PHKB: variants seen among roughly 807,000 people sequenced by gnomAD.
The protein encoded by PHKB is phosphorylase b kinase regulatory subunit beta.
Under a neutral mutation model 152.1 loss-of-function variants are expected in PHKB, and 122 were observed. The observed-to-expected ratio is 0.80, with a 90% CI of 0.69 to 0.93. PHKB has a LOEUF of 0.93. PHKB is among the 40% of genes least tolerant of loss of function. The pLI, the probability that PHKB is intolerant of heterozygous loss-of-function variation, is 0.00. For missense variants in PHKB, 1,304 were observed against 1,328.4 expected, an observed-to-expected ratio of 0.98 and a Z score of 0.29; for synonymous variants, 436 against 464.9, an observed-to-expected ratio of 0.94 and a Z score of 0.80.
At chr16:47,552,060 T>C (rs1162183438) in intron 7 of PHKB, among the ~76,000 whole-genome samples, 1 of 152,206 alleles carries the variant, frequency 6.6e-6, no homozygotes, top group Non-Finnish European at 1.5e-5. Context: ...TTTCTTTCCA[T>C]TTGCTTGGTA....
chr16:47,482,541 A>G (rs1032824566), intron 1 of PHKB, among the ~76,000 whole-genome samples: 1 of 152,212 alleles, frequency 6.6e-6, no homozygotes, highest in Non-Finnish European at 1.5e-5. Flanking sequence ...TTTTGCCAAG[A>G]CAAGAATATA....
chr16:47,474,427 G>T (rs1969833500), intron 1 of PHKB, among the ~76,000 whole-genome samples: 1 of 152,314 alleles, frequency 6.6e-6, no homozygotes, highest in Admixed American at 6.5e-5. Context: ...GGATTGGGCT[G>T]TTGAGCTGTG....
At chr16:47,566,094 G>T in intron 7 of PHKB, 1 of 656,486 alleles carries the variant, frequency 1.5e-6, no homozygotes, top group South Asian at 1.8e-5. Context: ...GCCTATCTGG[G>T]AATCATAGCC....
Position 47,547,516 on chromosome 16 carries a change from A to C in PHKB, c.678A>C (p.Lys226Asn), listed in dbSNP as rs762504730. The C allele has an allele frequency of 6.2e-6, 10 of 1,609,546 alleles. No individual in the cohort carries two copies. The highest frequency in any genetic ancestry group is 8.5e-6 in the Non-Finnish European group (10 of 1,175,924). Reference protein sequence around the residue: ...PDFGVWERGSKYNNGSTELHS... With the variant: ...PDFGVWERGSNYNNGSTELHS... ...TTGGTGTCTGGGAAAGAGGAAGCAA[A>C]TATAATAATGGCAGCACAGAGCTAC... The change falls in exon 7 of 31, where the codon AAA (lysine) becomes AAC (asparagine). Residue 226 changes from lysine (K) to asparagine (N), a missense_variant. Physicochemically the swap from Lys to Asn is moderately conservative, Grantham distance 94. Coordinates refer to ENST00000323584, the MANE Select transcript of PHKB (RefSeq NM_000293.3).
chr16:47,696,388 C>A lies in PHKB; in HGVS notation c.2903C>A (p.Thr968Asn), dbSNP rs962637652. The change falls in exon 29 of 31, where the codon ACC (threonine) becomes AAC (asparagine). Residue 968 changes from threonine (T) to asparagine (N), a missense_variant. Thr to Asn is a moderately conservative substitution (Grantham distance 65). Coordinates refer to ENST00000323584, the MANE Select transcript of PHKB (RefSeq NM_000293.3). The stretch of plus-strand genomic sequence containing the variant: ...TGGAGTTATTTTTTTCAGCAACCAA[C>A]CCTGTCAGATATGACCATGTATGAG... ...VAGKHLPQQPTLSDMTMYEMN... is the reference protein window; with the variant it reads ...VAGKHLPQQPNLSDMTMYEMN... The A allele has an allele frequency of 6.3e-7, 1 of 1,588,972 alleles. No individual in the cohort carries two copies. The highest frequency in any genetic ancestry group is 1.1e-5 in the South Asian group (1 of 90,572).
chr16:47,581,622 A>G (rs1252975249), intron 8 of PHKB, among the ~76,000 whole-genome samples: 3 of 152,350 alleles, frequency 2.0e-5, no homozygotes, highest in South Asian at 2.1e-4. Flanking sequence ...GTTAGTTAGC[A>G]TAGTGCTTTG....
intron 7 of PHKB, among the ~76,000 whole-genome samples, chr16:47,553,863 C>T (rs901479012): frequency 2.0e-5 from 3 of 152,138 alleles, no homozygotes; most frequent in East Asian, 1.9e-4. Context: ...GTATCACCAG[C>T]GGAGGCAGCA....
At chr16:47,650,960 C>A (rs1973226995) in intron 20 of PHKB, 39 bp downstream of exon 20, 1 of 1,336,504 alleles carries the variant, frequency 7.5e-7, no homozygotes, top group Non-Finnish European at 1.1e-6. Flanking sequence ...ATTTTCAGGA[C>A]AGTTAATCTA....
chr16:47,615,852 A>T (rs1219548367), intron 14 of PHKB, among the ~76,000 whole-genome samples: 1 of 152,220 alleles, frequency 6.6e-6, no homozygotes, highest in Non-Finnish European at 1.5e-5. Flanking sequence ...GTAATTTTTT[A>T]AACAATAATG....
At chr16:47,689,367 G>T (rs1237938338) in intron 27 of PHKB, among the ~76,000 whole-genome samples, 192 bp downstream of exon 27, 1 of 151,892 alleles carries the variant, frequency 6.6e-6, no homozygotes, top group African/African-American at 2.4e-5. Flanking sequence ...TTATTATTTT[G>T]CATTGATTTG....
intron 14 of PHKB, among the ~76,000 whole-genome samples, chr16:47,638,253 G>C (rs181892413): frequency 6.6e-5 from 10 of 152,298 alleles, no homozygotes; most frequent in African/African-American, 2.4e-4. Flanking sequence ...AAATGTCTTA[G>C]AATGGTGGAA....
intron 1 of PHKB, among the ~76,000 whole-genome samples, chr16:47,481,679 C>T (rs536643622): frequency 2.0e-5 from 3 of 152,274 alleles, no homozygotes; most frequent in African/African-American, 7.2e-5. Flanking sequence ...GAAGACAATT[C>T]GTATTTAATA....
intron 20 of PHKB, among the ~76,000 whole-genome samples, chr16:47,655,595 T>C (rs561916218): frequency 1.3e-5 from 2 of 152,344 alleles, no homozygotes; most frequent in South Asian, 4.1e-4. Flanking sequence ...CTTTTTGTTT[T>C]ATTTTAATGT....
intron 27 of PHKB, 93 bp downstream of exon 27, chr16:47,689,268 T>G (rs1974018957): frequency 1.5e-6 from 2 of 1,307,462 alleles, no homozygotes; most frequent in Admixed American, 1.7e-5. Flanking sequence ...TGATAAGATA[T>G]TAATAAGTAA....
chr16:47,498,238 TTTA>T (rs1970265966), intron 2 of PHKB, among the ~76,000 whole-genome samples: 1 of 152,092 alleles, frequency 6.6e-6, no homozygotes, highest in Non-Finnish European at 1.5e-5. Flanking sequence ...AGTTGCCCAT[TTTA>T]TTATCTTTTT....
intron 8 of PHKB, among the ~76,000 whole-genome samples, chr16:47,584,504 G>C (rs537473226): frequency 6.6e-6 from 1 of 152,284 alleles, no homozygotes; most frequent in South Asian, 2.1e-4. Flanking sequence ...ATGTGCATGA[G>C]GACGAAGAAG....
chr16:47,649,722 T>C (rs1973200949), intron 18 of PHKB, among the ~76,000 whole-genome samples: 1 of 151,834 alleles, frequency 6.6e-6, no homozygotes, highest in African/African-American at 2.4e-5. Flanking sequence ...TGTGTGTTCT[T>C]GGGCAAGTTA....
At chr16:47,461,854 C>T (rs1178353883) in intron 1 of PHKB, among the ~76,000 whole-genome samples, 3 of 152,178 alleles carry the variant, frequency 2.0e-5, no homozygotes, top group African/African-American at 4.8e-5. Flanking sequence ...TGCAGAAAGC[C>T]GGCGTCTGGG....
Position 47,468,178 on chromosome 16 carries a change from C to A in PHKB, c.76+6752C>A, listed in dbSNP as rs374037768. 6.6e-5 allele frequency among the ~76,000 whole-genome samples: 10 copies of A among 152,270 alleles called. No homozygotes were observed. In the East Asian group the frequency reaches 1.5e-3, roughly 24 times the overall value. On this transcript the variant is annotated intron_variant, in intron 1 of 30. Coordinates refer to ENST00000323584, the MANE Select transcript of PHKB (RefSeq NM_000293.3). ...TGTTTTTCTTCAGCTGTACTCCTACCTCCCTAGTCCAAGCCACTTTTATCT... is the reference window on the plus strand; with the variant it reads ...TGTTTTTCTTCAGCTGTACTCCTACATCCCTAGTCCAAGCCACTTTTATCT...
Sources: gnomAD v4.1 joint callset for allele counts (sites outside exome capture counted in the v4.1 genomes callset) on GRCh38, gnomAD v4.1.1 for gene constraint, MANE v1.5 for transcripts, NCBI Gene and HGNC (gene_info 2026-07-23, HGNC 2026-07-21) for gene names.